Variants in VPS13B observed in about 807,000 individuals in gnomAD.
VPS13B encodes the protein intermembrane lipid transfer protein VPS13B.
A neutral mutation model predicts 426.4 loss-of-function variants in VPS13B; 285 were observed. The ratio of observed to expected loss-of-function variants is 0.67; its 90% CI spans 0.61 to 0.74. The LOEUF (loss-of-function observed/expected upper bound fraction) is 0.74, where lower values mean the gene tolerates loss of function less well. Ranked by LOEUF, VPS13B falls within the 30% of genes least tolerant of loss-of-function variation. VPS13B has a pLI of 0.00. For synonymous variants in VPS13B, 1,676 were observed against 1,676.4 expected (o/e 1.00, Z 0.01); for missense variants, 4,537 against 4,782.6 (o/e 0.95, Z 1.51).
intron 35 of VPS13B, among the ~76,000 whole-genome samples, chr8:99,674,141 T>G (rs1830827640): frequency 6.6e-6 from 1 of 152,054 alleles, no homozygotes; most frequent in South Asian, 2.1e-4. Flanking sequence ...TGTTTCCTGT[T>G]TAATTTTCTG....
Position 99,809,471 on chromosome 8 carries a change from A to G in VPS13B, c.8038A>G (p.Arg2680Gly). ...AGTFIRTIQY[R>G]GRTASLIIKV... ...GACTTTTATTAGAACAATTCAGTAC[A>G]GGGGTCGAACTGCTTCTCTCATCAT... is the stretch of plus-strand genomic sequence containing the variant. The change falls in exon 44 of 62, where the codon AGG (arginine) becomes GGG (glycine). Residue 2680 changes from arginine to glycine, a missense_variant. Transcript: ENST00000357162. The G allele has an allele frequency of 6.2e-7, 1 of 1,614,078 alleles. No individual in the cohort carries two copies. The highest frequency in any genetic ancestry group is 1.3e-5 in the African/African-American group (1 of 75,046).
At chr8:99,563,285 G>A (rs1825025269) in intron 31 of VPS13B, among the ~76,000 whole-genome samples, 1 of 152,194 alleles carries the variant, frequency 6.6e-6, no homozygotes, top group African/African-American at 2.4e-5. Context: ...TATATGTCCT[G>A]TAAGAAGTTC....
At position 99,391,745 on chromosome 8, in the gene VPS13B, A is replaced by G. The variant is rs770966106; in HGVS notation, c.3082+41A>G. 7 of 1,605,062 alleles carry G rather than the reference A, an allele frequency of 4.4e-6. 1 individual carries two copies. Among genetic ancestry groups the G allele is most frequent in the Non-Finnish European group, 6.0e-6 (7 of 1,174,942 alleles). The stretch of plus-strand genomic sequence containing the variant: ...TGTAAAGGGACTATGATTGTACTCT[A>G]CTTCTAAGCTAGCAAGTTAGCATCC... On this transcript the variant is annotated intron_variant, in intron 21 of 61. Coordinates refer to ENST00000357162, the MANE Select transcript of VPS13B (RefSeq NM_152564.5).
chr8:99,277,227 G>A (rs903262652), intron 19 of VPS13B, among the ~76,000 whole-genome samples: 2 of 152,040 alleles, frequency 1.3e-5, no homozygotes, highest in African/African-American at 4.8e-5. Context: ...ATGTGATCAT[G>A]TATTTAATGC....
chr8:99,096,447 G>GA lies in VPS13B; in HGVS notation c.412+16dup. On this transcript the variant is annotated intron_variant, in intron 4 of 61. Coordinates refer to ENST00000357162, the MANE Select transcript of VPS13B (RefSeq NM_152564.5). The stretch of plus-strand genomic sequence containing the variant: ...CTTACCACCAGGTAACTTCTAATGG[G>GA]ATCAATAAAACCAAATTTCAATTTT... 1 of 1,613,694 alleles carries GA rather than the reference G, an allele frequency of 6.2e-7. No homozygotes were observed. Among genetic ancestry groups the GA allele is most frequent in the African/African-American group, 1.3e-5 (1 of 74,992 alleles).
Position 99,818,756 on chromosome 8 carries a change from A to G in VPS13B, c.8489A>G (p.Asp2830Gly), listed in dbSNP as rs549054721. 3 of 1,613,958 alleles carry G rather than the reference A, an allele frequency of 1.9e-6. No individual in the cohort carries two copies. In the East Asian group the frequency reaches 6.7e-5, roughly 36 times the overall value. ...PLFIMRSHLP[D>G]PIIIHLEKRS... ...TTTATCATGAGGAGTCATCTTCCAG[A>G]CCCCATTATCATACATTTGGAGAAA... The change falls in exon 47 of 62, where the codon GAC becomes GGC. Residue 2830 changes from aspartate (D) to glycine (G), a missense_variant. By Grantham distance (94) the Asp-to-Gly change is moderately conservative. This residue lies in a region of VPS13B where 4,311 missense variants were observed against 4,474.3 expected (regional missense o/e 0.96). Coordinates refer to ENST00000357162, the MANE Select transcript of VPS13B (RefSeq NM_152564.5).
At chr8:99,622,475 C>T (rs1335233920) in intron 33 of VPS13B, among the ~76,000 whole-genome samples, 1 of 152,178 alleles carries the variant, frequency 6.6e-6, no homozygotes, top group Non-Finnish European at 1.5e-5. Context: ...GAATTTCCAA[C>T]TACCCCAGTG....
chr8:99,014,346 G>T (rs531416615), intron 2 of VPS13B, among the ~76,000 whole-genome samples: 27 of 151,808 alleles, frequency 1.8e-4, no homozygotes, highest in African/African-American at 4.8e-4. Flanking sequence ...TCGAACTCCT[G>T]AGCTTAGGTG....
intron 37 of VPS13B, among the ~76,000 whole-genome samples, chr8:99,719,411 A>G (rs1289671752): frequency 6.6e-6 from 1 of 152,240 alleles, no homozygotes; most frequent in African/African-American, 2.4e-5. Context: ...TGAGAACACA[A>G]GTACACTTAG....
chr8:99,201,409 T>C (rs1563599215), intron 17 of VPS13B, among the ~76,000 whole-genome samples: 1 of 152,148 alleles, frequency 6.6e-6, no homozygotes, highest in Non-Finnish European at 1.5e-5. Context: ...TTCTAAATGT[T>C]GGACTAATGT....
chr8:99,865,380 T>G (rs936801272), intron 58 of VPS13B, among the ~76,000 whole-genome samples: 10 of 152,222 alleles, frequency 6.6e-5, no homozygotes, highest in Non-Finnish European at 1.3e-4. Context: ...CCACTTCTTT[T>G]GGGATGCTTC....
intron 25 of VPS13B, among the ~76,000 whole-genome samples, chr8:99,486,931 T>C (rs1355718805): frequency 6.6e-6 from 1 of 152,102 alleles, no homozygotes; most frequent in Non-Finnish European, 1.5e-5. Flanking sequence ...GTCAAAGATG[T>C]TAACTGGGAA....
At chr8:99,168,334 C>T (rs185232606) in intron 15 of VPS13B, among the ~76,000 whole-genome samples, 6 of 151,942 alleles carry the variant, frequency 3.9e-5, no homozygotes, top group Admixed American at 1.3e-4. Flanking sequence ...CAGGGGATCT[C>T]GTCTACACCC....
intron 33 of VPS13B, among the ~76,000 whole-genome samples, chr8:99,591,689 T>C (rs987999556): frequency 6.6e-6 from 1 of 152,212 alleles, no homozygotes; most frequent in African/African-American, 2.4e-5. Context: ...CCCCACTCTC[T>C]TCTGACTTGC....
At chr8:99,212,988 A>G (rs965768078) in intron 17 of VPS13B, among the ~76,000 whole-genome samples, 2 of 152,178 alleles carry the variant, frequency 1.3e-5, no homozygotes, top group African/African-American at 4.8e-5. Flanking sequence ...ATCCTCTGCA[A>G]ATACTTCTCT....
At chr8:99,376,483 A>G (rs529097609) in intron 19 of VPS13B, among the ~76,000 whole-genome samples, 1 of 152,332 alleles carries the variant, frequency 6.6e-6, no homozygotes, top group South Asian at 2.1e-4. Flanking sequence ...TAATGTAATC[A>G]TATAACTTAC....
intron 5 of VPS13B, among the ~76,000 whole-genome samples, chr8:99,106,434 C>A (rs1157676656): frequency 0.01 from 853 of 83,696 alleles, no homozygotes; most frequent in Middle Eastern, 0.024. Flanking sequence ...GACTCCACCT[C>A]AAAAAAAAAA....
chr8:99,321,652 G>T (rs539521988), intron 19 of VPS13B, among the ~76,000 whole-genome samples: 2 of 152,256 alleles, frequency 1.3e-5, no homozygotes, highest in Admixed American at 1.3e-4. Context: ...GTACATCAGA[G>T]AAATGATTTA....
chr8:99,859,458 G>A lies in VPS13B; in HGVS notation c.11022G>A (p.Ser3674=), dbSNP rs375676564. 3.0e-5 allele frequency: 49 copies of A among 1,613,726 alleles called. No individual in the cohort carries two copies. The highest frequency in any genetic ancestry group is 6.6e-5 in the South Asian group (6 of 91,086). Residue 3674 remains serine (S), a synonymous_variant, in exon 57 of 62, where the codon TCG becomes TCA. Transcript: ENST00000357162. ...GTGGCGTCTCCAGAGGGACCACATCGTTTGTAAAGCACATCTCCAAAGGTA... is the reference window on the plus strand; with the variant it reads ...GTGGCGTCTCCAGAGGGACCACATCATTTGTAAAGCACATCTCCAAAGGTA... The part of the protein sequence containing the change: ...FVSGVSRGTT[S]FVKHISKGTL...
Sources: allele counts gnomAD v4.1 joint callset (sites outside exome capture counted in the v4.1 genomes callset), GRCh38; gene constraint gnomAD v4.1.1; regional missense constraint gnomAD v4.1.1; transcripts MANE v1.5; gene names NCBI Gene and HGNC (gene_info 2026-07-23, HGNC 2026-07-21).